Variants in INPP5D observed in about 807,000 individuals in gnomAD.
INPP5D encodes the protein phosphatidylinositol 3,4,5-trisphosphate 5-phosphatase 1.
Under a neutral mutation model 122.9 loss-of-function variants are expected in INPP5D, and 33 were observed. That is an observed-to-expected ratio of 0.27 (90% confidence interval 0.20 to 0.36). The LOEUF is 0.36. INPP5D is among the 10% of genes least tolerant of loss of function. INPP5D has a pLI of 1.00. For missense variants in INPP5D, 1,053 were observed against 1,412.7 expected (o/e 0.75, Z 4.08); for synonymous variants, 584 against 576.2 (o/e 1.01, Z -0.19).
At chr2:233,069,222 C>T (rs1019744575) in intron 1 of INPP5D, among the ~76,000 whole-genome samples, 6 of 152,194 alleles carry the variant, frequency 3.9e-5, no homozygotes, top group African/African-American at 1.2e-4. Context: ...AACAACCCCA[C>T]GGAGGGCTGT....
chr2:233,077,686 A>C lies in INPP5D; in HGVS notation c.135-1649A>C, dbSNP rs867467163. On this transcript the variant is annotated intron_variant, in intron 1 of 26. Transcript: ENST00000445964. ...CAAAAAAAAAAAAAAAAAAAAAAAA[A>C]CTCTCTCTACTAAAAATACAAAAAT... 2.5e-3 allele frequency among the ~76,000 whole-genome samples: 280 copies of C among 110,904 alleles called. 1 individual carries two copies. Among genetic ancestry groups the C allele is most frequent in the African/African-American group, 8.8e-3 (256 of 29,108 alleles). The allele number at this position is 110,904 out of a possible 152,430, so 72.8% of individuals were successfully genotyped here.
chr2:233,111,002 A>G (rs894076404), intron 2 of INPP5D, among the ~76,000 whole-genome samples: 5 of 152,006 alleles, frequency 3.3e-5, no homozygotes, highest in African/African-American at 1.2e-4. Flanking sequence ...CTTATAGAAC[A>G]TTTTCAAGAA....
intron 4 of INPP5D, among the ~76,000 whole-genome samples, chr2:233,126,414 G>C (rs372954229): frequency 4.6e-5 from 7 of 152,114 alleles, no homozygotes; most frequent in Admixed American, 4.6e-4. Context: ...AGTAGATGCC[G>C]ATGGGACACA....
chr2:233,125,106 C>G (rs1010175261), intron 3 of INPP5D, among the ~76,000 whole-genome samples: 2 of 152,170 alleles, frequency 1.3e-5, no homozygotes, highest in Non-Finnish European at 2.9e-5. Context: ...CAGAATGAAC[C>G]TTCTCCTAAA....
At chr2:233,129,878 C>G (rs1693266722) in intron 4 of INPP5D, among the ~76,000 whole-genome samples, 1 of 133,440 alleles carries the variant, frequency 7.5e-6, no homozygotes, top group Non-Finnish European at 1.6e-5. Flanking sequence ...AGCTTTTGGC[C>G]TCCTTTTGTG....
rs890727565 is a variant in INPP5D, at chr2:233,164,476, C to T, written c.1555+52C>T. Reference sequence around the variant, plus strand: ...CTCCCACACCCTCTGCCTCAACTCTCGCGACCACATCATCCTGATCCCACC... The same window carrying T: ...CTCCCACACCCTCTGCCTCAACTCTTGCGACCACATCATCCTGATCCCACC... On this transcript the variant is annotated intron_variant, in intron 13 of 26. Coordinates refer to ENST00000445964, the MANE Select transcript of INPP5D (RefSeq NM_001017915.3). The surrounding 1 kb of genome is among the most constrained non-coding windows in gnomAD (Gnocchi z 4.3). The T allele has an allele frequency of 1.3e-5, 19 of 1,496,000 alleles. No individual in the cohort carries two copies. Among genetic ancestry groups the T allele is most frequent in the South Asian group, 6.5e-5 (5 of 77,332 alleles). 92.7% of individuals were successfully genotyped at this position (1,496,000 alleles called of 1,614,324 possible). A position where few individuals can be genotyped will look rare whatever the true frequency, so the allele number is the denominator to read the frequency against.
rs58284775 is a variant in INPP5D at position 233,094,512 on chromosome 2, C to CAAAAAAAAAAAAAAAAAAAAAAAAAAA, written c.198+15118_198+15144dup. 5.7e-5 allele frequency among the ~76,000 whole-genome samples: 2 copies of CAAAAAAAAAAAAAAAAAAAAAAAAAAA among 34,972 alleles called. 1 individual carries two copies. Among genetic ancestry groups the CAAAAAAAAAAAAAAAAAAAAAAAAAAA allele is most frequent in the African/African-American group, 2.4e-4 (2 of 8,252 alleles). The allele number at this position is 34,972 out of a possible 152,430, so 22.9% of individuals were successfully genotyped here. A position where few individuals can be genotyped will look rare whatever the true frequency, so the allele number is the denominator to read the frequency against. ...TGGGCAATAGAGCAAGACTCCATCC[C>CAAAAAAAAAAAAAAAAAAAAAAAAAAA]AAAAAAAAAAAAAAAAAAAAAAAAA... On this transcript the variant is annotated intron_variant, in intron 2 of 26. Coordinates refer to ENST00000445964, the MANE Select transcript of INPP5D (RefSeq NM_001017915.3).
intron 2 of INPP5D, among the ~76,000 whole-genome samples, chr2:233,116,334 G>C (rs182671437): frequency 6.6e-6 from 1 of 151,784 alleles, no homozygotes; most frequent in East Asian, 1.9e-4. Context: ...CTGTTGCCCA[G>C]GCTGGAGTGC....
At position 233,086,960 on chromosome 2, in the gene INPP5D, T is replaced by A. The variant is rs1416725083; in HGVS notation, c.198+7562T>A. 6.6e-5 allele frequency among the ~76,000 whole-genome samples: 10 copies of A among 152,286 alleles called. No homozygotes were observed. In the East Asian group the frequency reaches 1.9e-3, roughly 29 times the overall value. ...AGACATTCCTAATGACTTATGTTCC[T>A]GTCAGACATCCTTGGGCTCAACATC... On this transcript the variant is annotated intron_variant, in intron 2 of 26. Coordinates refer to ENST00000445964, the MANE Select transcript of INPP5D (RefSeq NM_001017915.3).
Position 233,137,853 on chromosome 2 carries a change from AATATATATATATATATATATATAT to A in INPP5D, c.666-1967_666-1944del, listed in dbSNP as rs1160357196. ...ATCACAAAAAAAAAAAAAAAAAAAA[AATATATATATATATATATATATAT>A]ATATATATATATATATATATACACA... On this transcript the variant is annotated intron_variant, in intron 5 of 26. Transcript: ENST00000445964. Among the ~76,000 whole-genome samples, 6 of 27,730 alleles carry A rather than the reference AATATATATATATATATATATATAT, an allele frequency of 2.2e-4. No individual in the cohort carries two copies. In the Admixed American group the frequency reaches 2.6e-3, roughly 12 times the overall value. 18.2% of individuals were successfully genotyped at this position (27,730 alleles called of 152,430 possible).
rs1694173741 is a variant in INPP5D at position 233,160,549 on chromosome 2, AC to A, written c.1138-1173del. 6.6e-6 allele frequency among the ~76,000 whole-genome samples: 1 copy of A among 152,264 alleles called. No individual in the cohort carries two copies. The highest frequency in any genetic ancestry group is 6.5e-5 in the Admixed American group (1 of 15,290). On this transcript the variant is annotated intron_variant, in intron 10 of 26. Coordinates refer to ENST00000445964, the MANE Select transcript of INPP5D (RefSeq NM_001017915.3). This position sits in a 1 kb window ranked among gnomAD's most constrained non-coding sequence, Gnocchi z 4.2. ...ATGTTTAAAATAAAAACACTCGTAT[AC>A]CATGAGTTAATCTGGGACTATGCCC...
At chr2:233,195,006 G>A (rs781732211) in intron 23 of INPP5D, among the ~76,000 whole-genome samples, 1 of 152,164 alleles carries the variant, frequency 6.6e-6, no homozygotes, top group Non-Finnish European at 1.5e-5. Flanking sequence ...ACGTTGGCCA[G>A]ACTGGTTTGG....
intron 2 of INPP5D, among the ~76,000 whole-genome samples, chr2:233,107,554 G>A (rs1463178723): frequency 1.3e-5 from 2 of 152,242 alleles, no homozygotes; most frequent in African/African-American, 4.8e-5. Context: ...CAAAGCCCAT[G>A]CCAGGTGATT....
At position 233,193,869 on chromosome 2, in the gene INPP5D, C is replaced by A; in HGVS notation, c.2504C>A (p.Thr835Lys). The change falls in exon 23 of 27, where the codon ACG becomes AAG. Residue 835 changes from threonine to lysine, a missense_variant. Transcript: ENST00000445964. ...EATETQLPIY[T>K]PLTHHGELTG... The stretch of plus-strand genomic sequence containing the variant: ...ACAGAAACGCAGCTGCCCATCTACA[C>A]GCCTCTCACCCACCATGGGGAGTTG... The A allele has an allele frequency of 6.2e-7, 1 of 1,613,982 alleles. No homozygotes were observed. Among genetic ancestry groups the A allele is most frequent in the Non-Finnish European group, 8.5e-7 (1 of 1,179,890 alleles).
rs1256190571 is a variant in INPP5D at position 233,158,431 on chromosome 2, C to G, written c.1137+12C>G. 2 of 700,462 alleles carry G rather than the reference C, an allele frequency of 2.9e-6. No homozygotes were observed. Among genetic ancestry groups the G allele is most frequent in the Non-Finnish European group, 5.2e-6 (2 of 383,292 alleles). 43.4% of individuals were successfully genotyped at this position (700,462 alleles called of 1,614,324 possible). ...TTGCTGACTCCAAAGTAAGTGACAG[C>G]AAACTTCTAAAATGGGCTGTGAGGT... On this transcript the variant is annotated intron_variant, in intron 10 of 26. Coordinates refer to ENST00000445964, the MANE Select transcript of INPP5D (RefSeq NM_001017915.3).
intron 1 of INPP5D, among the ~76,000 whole-genome samples, chr2:233,076,971 A>G (rs1233776273): frequency 6.6e-6 from 1 of 152,244 alleles, no homozygotes; most frequent in Non-Finnish European, 1.5e-5. Context: ...GTCTCTATCA[A>G]AATAGCAAAT....
intron 2 of INPP5D, among the ~76,000 whole-genome samples, chr2:233,101,756 ATATT>A (rs1354360862): frequency 1.2e-4 from 17 of 146,278 alleles, no homozygotes; most frequent in Middle Eastern, 3.6e-3. Flanking sequence ...ATTATAAATT[ATATT>A]TATTTATATT....
In INPP5D at chr2:233,185,267, T is replaced by G. The variant is rs13421885; in HGVS notation, c.2276-576T>G. 4.8e-3 allele frequency among the ~76,000 whole-genome samples: 581 copies of G among 122,050 alleles called. 2 individuals carry two copies. Among genetic ancestry groups the G allele is most frequent in the South Asian group, 8.8e-3 (35 of 3,956 alleles). The allele number at this position is 122,050 out of a possible 152,430, so 80.1% of individuals were successfully genotyped here. A position where few individuals can be genotyped will look rare whatever the true frequency, so the allele number is the denominator to read the frequency against. ...AAGCGTGTGCTGCCAGTTCTGCCCC[T>G]CTGGTCCCTGCCTCCTTCTCCAACT... On this transcript the variant is annotated intron_variant, in intron 20 of 26. Transcript: ENST00000445964.
rs1693520954 is a variant in INPP5D at position 233,137,856 on chromosome 2, ATATATATATATATATATATATATATATAT to A, written c.666-1985_666-1957del. Among the ~76,000 whole-genome samples, 2 of 14,364 alleles carry A rather than the reference ATATATATATATATATATATATATATATAT, an allele frequency of 1.4e-4. 1 individual carries two copies. The highest frequency in any genetic ancestry group is 2.6e-4 in the Non-Finnish European group (2 of 7,566). The allele number at this position is 14,364 out of a possible 152,430, so 9.4% of individuals were successfully genotyped here. A position where few individuals can be genotyped will look rare whatever the true frequency, so the allele number is the denominator to read the frequency against. ...ACAAAAAAAAAAAAAAAAAAAAAAT[ATATATATATATATATATATATATATATAT>A]ATATATATATATACACACACACACA... On this transcript the variant is annotated intron_variant, in intron 5 of 26. Transcript: ENST00000445964.
Sources: gnomAD v4.1 joint callset for allele counts (sites outside exome capture counted in the v4.1 genomes callset) on GRCh38, gnomAD v4.1.1 for gene constraint, Gnocchi (gnomAD v3.1) non-coding constraint, MANE v1.5 for transcripts, NCBI Gene and HGNC (gene_info 2026-07-23, HGNC 2026-07-21) for gene names.